The following SORCS2 variants were observed in gnomAD, a reference collection of about 807,000 sequenced individuals.
The protein encoded by SORCS2 is sortilin related VPS10 domain containing receptor 2.
Under a neutral mutation model 141.6 loss-of-function variants are expected in SORCS2, and 100 were observed. That is an observed-to-expected ratio of 0.71 (90% CI 0.60 to 0.83). The LOEUF (loss-of-function observed/expected upper bound fraction) is 0.83. Ranked by LOEUF, SORCS2 falls within the 40% of genes least tolerant of loss-of-function variation. The probability of loss-of-function intolerance (pLI) is 0.00; values close to 1 mark genes in which losing one functional copy is unlikely to be tolerated. For synonymous variants in SORCS2, 789 were observed against 676.9 expected (o/e 1.17, Z -2.57); for missense variants, 1,646 against 1,560.2 (o/e 1.05, Z -0.93).
chr4:7,234,452 A>C (rs142644637), intron 1 of SORCS2, among the ~76,000 whole-genome samples: 29 of 152,316 alleles, frequency 1.9e-4, no homozygotes, highest in African/African-American at 6.7e-4. Flanking sequence ...TGTTGGCCCA[A>C]GGACTTCCAG....
At chr4:7,644,511 T>A (rs1405186666) in intron 4 of SORCS2, among the ~76,000 whole-genome samples, 1 of 152,220 alleles carries the variant, frequency 6.6e-6, no homozygotes, top group Admixed American at 6.5e-5. Context: ...CCTGGAAATC[T>A]AGCTGCAAGG....
intron 1 of SORCS2, among the ~76,000 whole-genome samples, chr4:7,308,595 A>G (rs1717985383): frequency 6.6e-6 from 1 of 152,000 alleles, no homozygotes; most frequent in Non-Finnish European, 1.5e-5. Context: ...TGGAGTTGAT[A>G]TTGCAGACAT....
chr4:7,724,483 A>ATGATGG (rs570395436), intron 19 of SORCS2, among the ~76,000 whole-genome samples: 38,469 of 96,288 alleles, frequency 0.4, 8,692 homozygotes, highest in African/African-American at 0.42. Context: ...GATGGTGGTG[A>ATGATGG]TGGTGGTGGT....
At chr4:7,462,835 C>T (rs993247923) in intron 2 of SORCS2, among the ~76,000 whole-genome samples, 2 of 150,284 alleles carry the variant, frequency 1.3e-5, no homozygotes, top group Non-Finnish European at 2.9e-5. Flanking sequence ...TCACGGTGCA[C>T]TCGCCAGAGG....
chr4:7,574,269 C>A (rs1715600331), intron 3 of SORCS2, among the ~76,000 whole-genome samples: 1 of 152,240 alleles, frequency 6.6e-6, no homozygotes, highest in African/African-American at 2.4e-5. Flanking sequence ...GTCCCTTCTC[C>A]CACGGGATCA....
chr4:7,722,412 C>T (rs1056890133), intron 18 of SORCS2, among the ~76,000 whole-genome samples: 3 of 152,214 alleles, frequency 2.0e-5, no homozygotes, highest in African/African-American at 7.2e-5. Context: ...GAGCACCCTG[C>T]AGCCTCCTTC....
rs765417827 is a variant in SORCS2, at chr4:7,733,406, C to A, written c.3193C>A (p.Arg1065=). 4.4e-6 allele frequency: 7 copies of A among 1,589,214 alleles called. No homozygotes were observed. In the African/African-American group the frequency reaches 8.0e-5, roughly 18 times the overall value. ...RGGVRVLVAL[R]DTGTGAEQLG... Reference sequence around the variant, plus strand: ...CGGAGTCCGGGTCCTGGTGGCCCTGCGGGACACAGGCACAGGTGAGCCACT... The same window carrying A: ...CGGAGTCCGGGTCCTGGTGGCCCTGAGGGACACAGGCACAGGTGAGCCACT... Residue 1065 remains arginine, a synonymous_variant, in exon 24 of 27, where the codon CGG becomes AGG. Coordinates refer to ENST00000507866, the MANE Select transcript of SORCS2 (RefSeq NM_020777.3).
chr4:7,374,614 C>T (rs1215069120), intron 1 of SORCS2, among the ~76,000 whole-genome samples: 11 of 152,196 alleles, frequency 7.2e-5, no homozygotes, highest in Admixed American at 7.2e-4. Flanking sequence ...GGCCTTGCCC[C>T]CATCCTTCCC....
Position 7,454,976 on chromosome 4 carries a change from G to A in SORCS2, c.548+58621G>A, listed in dbSNP as rs144241246. Reference sequence around the variant, plus strand: ...GTGTTGGGGTCAGGTGCTGTATTGGGGTCAGGCTCCGTGTTAGTGTCATGC... The same window carrying A: ...GTGTTGGGGTCAGGTGCTGTATTGGAGTCAGGCTCCGTGTTAGTGTCATGC... On this transcript the variant is annotated intron_variant, in intron 2 of 26. Transcript: ENST00000507866. 8.6e-3 allele frequency among the ~76,000 whole-genome samples: 1,198 copies of A among 139,036 alleles called. 13 individuals are homozygous for A. Among genetic ancestry groups the A allele is most frequent in the African/African-American group, 0.031 (1,141 of 36,458 alleles). The allele number at this position is 139,036 out of a possible 152,430, so 91.2% of individuals were successfully genotyped here.
chr4:7,628,185 G>C lies in SORCS2; in HGVS notation c.649-10143G>C, dbSNP rs530868801. Reference sequence around the variant, plus strand: ...AGAAGGGCTGAGACATCAGCACACAGAACAGAACAGAACACAACAGAACAG... The same window carrying C: ...AGAAGGGCTGAGACATCAGCACACACAACAGAACAGAACACAACAGAACAG... On this transcript the variant is annotated intron_variant, in intron 3 of 26. Coordinates refer to ENST00000507866, the MANE Select transcript of SORCS2 (RefSeq NM_020777.3). Among the ~76,000 whole-genome samples the C allele has an allele frequency of 2.0e-5, 3 of 152,326 alleles. No homozygotes were observed. The South Asian group carries it at 6.2e-4, about 32-fold the overall frequency.
intron 2 of SORCS2, among the ~76,000 whole-genome samples, chr4:7,496,728 C>G (rs947958827): frequency 6.6e-6 from 1 of 152,034 alleles, no homozygotes; most frequent in East Asian, 1.9e-4. Flanking sequence ...CAGAAGGGAG[C>G]GAGGCGTGGG....
intron 26 of SORCS2, among the ~76,000 whole-genome samples, chr4:7,739,234 C>T (rs148707562): frequency 3.7e-4 from 57 of 152,292 alleles, no homozygotes; most frequent in African/African-American, 1.2e-3. Flanking sequence ...CCCCGGGCCG[C>T]GGGTGAGCGT....
chr4:7,661,216 A>ACC (rs1560464065), intron 5 of SORCS2, among the ~76,000 whole-genome samples: 1 of 129,308 alleles, frequency 7.7e-6, no homozygotes, highest in East Asian at 3.2e-4. Context: ...AAGAAACCCA[A>ACC]CCCCCTCAGC....
intron 3 of SORCS2, among the ~76,000 whole-genome samples, chr4:7,575,636 A>C (rs1715699370): frequency 6.6e-6 from 1 of 152,238 alleles, no homozygotes; most frequent in Non-Finnish European, 1.5e-5. Context: ...TTGAAACTAG[A>C]ATGGTAGTAC....
Position 7,397,706 on chromosome 4 carries a change from GA to G in SORCS2, c.548+1354del, listed in dbSNP as rs1396839870. On this transcript the variant is annotated intron_variant, in intron 2 of 26. Transcript: ENST00000507866. ...AAAGTGTAAGCTCCGTGGGCCCTGT[GA>G]AATGTCATTGCTGCTCTTTGAAAAT... Among the ~76,000 whole-genome samples the G allele has an allele frequency of 7.2e-5, 11 of 152,324 alleles. No homozygotes were observed. The South Asian group carries it at 2.3e-3, about 32-fold the overall frequency.
intron 3 of SORCS2, among the ~76,000 whole-genome samples, chr4:7,604,780 G>A (rs544287382): frequency 1.1e-4 from 16 of 152,186 alleles, no homozygotes; most frequent in South Asian, 2.1e-4. Flanking sequence ...ACCTGGTCTC[G>A]GGTATTTCTT....
At chr4:7,626,310 T>A (rs1222147388) in intron 3 of SORCS2, among the ~76,000 whole-genome samples, 1 of 152,198 alleles carries the variant, frequency 6.6e-6, no homozygotes, top group Non-Finnish European at 1.5e-5. Flanking sequence ...AAGTACATTA[T>A]TTATTGGATT....
chr4:7,706,072 C>CTGGGCTCAGTCTGGGCAGGGATGAGGT, intron 14 of SORCS2, among the ~76,000 whole-genome samples: 1 of 133,980 alleles, frequency 7.5e-6, no homozygotes, highest in Admixed American at 7.6e-5. Flanking sequence ...AGGGATGAGG[C>CTGGGCTCAGTCTGGGCAGGGATGAGGT]TGGGCTCTGC....
intron 2 of SORCS2, among the ~76,000 whole-genome samples, chr4:7,522,384 C>T (rs777878097): frequency 7.9e-5 from 12 of 152,362 alleles, no homozygotes; most frequent in East Asian, 3.9e-4. Flanking sequence ...TTTCCAACTG[C>T]GCTTGCCTTC....
Sources: allele counts gnomAD v4.1 joint callset (sites outside exome capture counted in the v4.1 genomes callset), GRCh38; gene constraint gnomAD v4.1.1; transcripts MANE v1.5; gene names NCBI Gene and HGNC (gene_info 2026-07-23, HGNC 2026-07-21).